Variants in KCTD16 observed in about 807,000 individuals in gnomAD.
KCTD16 encodes the protein BTB/POZ domain-containing protein KCTD16.
In KCTD16, 13 loss-of-function variants were observed where a neutral mutation model predicts 33.2. The observed-to-expected ratio is 0.39, with a 90% CI of 0.25 to 0.62. KCTD16 has a LOEUF of 0.62. KCTD16 is among the 20% of genes least tolerant of loss of function. The pLI is 0.50. For synonymous variants in KCTD16, 197 were observed against 195.3 expected (o/e 1.01, Z -0.07); for missense variants, 441 against 525.1 (o/e 0.84, Z 1.57).
chr5:144,398,622 C>T (rs1314468362), intron 3 of KCTD16, among the ~76,000 whole-genome samples: 1 of 151,938 alleles, frequency 6.6e-6, no homozygotes, highest in African/African-American at 2.4e-5. Flanking sequence ...AGCTTGGCTA[C>T]ATATAAAAAT....
chr5:144,265,199 A>AT (rs1207935189), intron 3 of KCTD16, among the ~76,000 whole-genome samples: 116 of 151,670 alleles, frequency 7.6e-4, no homozygotes, highest in African/African-American at 2.6e-3. Context: ...GTGTATTTAC[A>AT]TTTTTTTTTC....
chr5:144,465,707 G>A (rs1490773095), intron 3 of KCTD16, among the ~76,000 whole-genome samples: 1 of 149,464 alleles, frequency 6.7e-6, no homozygotes, highest in Non-Finnish European at 1.5e-5. Flanking sequence ...TTTTAAGATA[G>A]TTCTTTTCCA....
rs146416004 is a variant in KCTD16 at position 144,470,799 on chromosome 5, C to G, written c.833-2861C>G. 4.7e-3 allele frequency among the ~76,000 whole-genome samples: 722 copies of G among 152,332 alleles called. 2 individuals carry two copies. Among genetic ancestry groups the G allele is most frequent in the Non-Finnish European group, 7.4e-3 (504 of 68,028 alleles). Reference sequence around the variant, plus strand: ...GAAATAACTGCACCATTGCCAGGTTCCTGGCTTGGCACATAGTGAGGGCTT... The same window carrying G: ...GAAATAACTGCACCATTGCCAGGTTGCTGGCTTGGCACATAGTGAGGGCTT... On this transcript the variant is annotated intron_variant, in intron 3 of 3. Coordinates refer to ENST00000512467, the MANE Select transcript of KCTD16 (RefSeq NM_020768.4).
intron 3 of KCTD16, among the ~76,000 whole-genome samples, chr5:144,440,348 G>A (rs1391119951): frequency 6.6e-6 from 1 of 152,094 alleles, no homozygotes; most frequent in East Asian, 1.9e-4. Flanking sequence ...AAATAGAAGT[G>A]GAATTGCTGT....
chr5:144,414,372 A>G (rs1753000999), intron 3 of KCTD16, among the ~76,000 whole-genome samples: 1 of 152,180 alleles, frequency 6.6e-6, no homozygotes, highest in East Asian at 1.9e-4. Context: ...AGAGTGCACT[A>G]AGAGTACATG....
chr5:144,182,913 A>G (rs2126774782), intron 2 of KCTD16, among the ~76,000 whole-genome samples: 1 of 152,256 alleles, frequency 6.6e-6, no homozygotes, highest in Non-Finnish European at 1.5e-5. Flanking sequence ...GTTTGTTGTT[A>G]CTTAACACAT....
At chr5:144,460,371 A>G (rs903496324) in intron 3 of KCTD16, among the ~76,000 whole-genome samples, 1 of 152,104 alleles carries the variant, frequency 6.6e-6, no homozygotes, top group Non-Finnish European at 1.5e-5. Flanking sequence ...ATTAACTGCA[A>G]TCTTCTCAGA....
At chr5:144,352,889 C>T (rs543174521) in intron 3 of KCTD16, among the ~76,000 whole-genome samples, 71 of 152,176 alleles carry the variant, frequency 4.7e-4, no homozygotes, top group African/African-American at 1.7e-3. Flanking sequence ...CTGCTGATAC[C>T]AACACTCACT....
intron 3 of KCTD16, among the ~76,000 whole-genome samples, chr5:144,232,137 A>G (rs569099195): frequency 1.3e-5 from 2 of 152,316 alleles, no homozygotes; most frequent in African/African-American, 4.8e-5. Flanking sequence ...AAGAGTTTCC[A>G]ATCATACTAT....
chr5:144,356,398 T>G (rs894892190), intron 3 of KCTD16, among the ~76,000 whole-genome samples: 3 of 152,132 alleles, frequency 2.0e-5, no homozygotes, highest in Non-Finnish European at 2.9e-5. Flanking sequence ...ATATTTGCAA[T>G]ATAACAAATG....
chr5:144,413,878 G>T (rs554452712), intron 3 of KCTD16, among the ~76,000 whole-genome samples: 11 of 152,222 alleles, frequency 7.2e-5, no homozygotes, highest in South Asian at 6.2e-4. Context: ...GGAGAACCAG[G>T]TTCTGGTTTG....
chr5:144,229,117 C>A (rs191388477), intron 3 of KCTD16, among the ~76,000 whole-genome samples: 2 of 152,300 alleles, frequency 1.3e-5, no homozygotes, highest in Admixed American at 1.3e-4. Flanking sequence ...TGTCCAGTTG[C>A]ATGGGGGCAG....
At chr5:144,187,374 A>T (rs1285264668) in intron 2 of KCTD16, among the ~76,000 whole-genome samples, 1 of 152,110 alleles carries the variant, frequency 6.6e-6, no homozygotes, top group East Asian at 1.9e-4. Flanking sequence ...GGAGGGATTA[A>T]AAAATAACAG....
intron 3 of KCTD16, among the ~76,000 whole-genome samples, chr5:144,343,598 T>C (rs1377254125): frequency 2.0e-5 from 3 of 151,986 alleles, no homozygotes; most frequent in Non-Finnish European, 4.4e-5. Flanking sequence ...GCTCTGATTT[T>C]AGTTATTTCT....
At chr5:144,191,121 G>A (rs1304545166) in intron 2 of KCTD16, among the ~76,000 whole-genome samples, 1 of 152,092 alleles carries the variant, frequency 6.6e-6, no homozygotes, top group Non-Finnish European at 1.5e-5. Context: ...TAATACTGTT[G>A]TAAAAACGGA....
intron 3 of KCTD16, among the ~76,000 whole-genome samples, chr5:144,230,361 C>T (rs947547859): frequency 2.0e-5 from 3 of 152,080 alleles, no homozygotes; most frequent in Admixed American, 6.6e-5. Flanking sequence ...AATGAAAGTG[C>T]TGATATTGGT....
chr5:144,214,229 C>T (rs920056196), intron 3 of KCTD16, among the ~76,000 whole-genome samples: 2 of 152,120 alleles, frequency 1.3e-5, no homozygotes, highest in South Asian at 2.1e-4. Context: ...CCCTCAGGTC[C>T]GTCCTCTTCT....
intron 3 of KCTD16, among the ~76,000 whole-genome samples, chr5:144,400,253 C>A (rs1364728365): frequency 6.6e-6 from 1 of 152,100 alleles, no homozygotes; most frequent in African/African-American, 2.4e-5. Context: ...AAGAAATGCC[C>A]ACATACATTT....
chr5:144,282,950 A>T (rs1755646587), intron 3 of KCTD16, among the ~76,000 whole-genome samples: 1 of 152,164 alleles, frequency 6.6e-6, no homozygotes, highest in Non-Finnish European at 1.5e-5. Flanking sequence ...AAAAAGAAAA[A>T]TTAAACTAAA....
Sources: allele counts gnomAD v4.1 joint callset (sites outside exome capture counted in the v4.1 genomes callset), GRCh38; gene constraint gnomAD v4.1.1; transcripts MANE v1.5; gene names NCBI Gene and HGNC (gene_info 2026-07-23, HGNC 2026-07-21).